The following PRRC1 variants were observed in gnomAD, a reference collection of about 807,000 sequenced individuals.
PRRC1 encodes the protein protein PRRC1.
In PRRC1, 39 loss-of-function variants were observed where a neutral mutation model predicts 40.7. The observed-to-expected ratio is 0.96, with a 90% CI of 0.74 to 1.25. PRRC1 has a LOEUF of 1.25. Ranked by LOEUF, PRRC1 falls within the 50% of genes most tolerant of loss-of-function variation. PRRC1 has a pLI of 0.00. For synonymous variants in PRRC1, 175 were observed against 193.3 expected, an observed-to-expected ratio of 0.91 and a Z score of 0.79; for missense variants, 573 against 548.3, an observed-to-expected ratio of 1.05 and a Z score of -0.45.
intron 7 of PRRC1, among the ~76,000 whole-genome samples, chr5:127,545,939 A>T (rs1181024527): frequency 2.0e-5 from 3 of 152,026 alleles, no homozygotes; most frequent in Non-Finnish European, 4.4e-5. Context: ...TTGCTCTCAT[A>T]ATTATTTTTT....
intron 8 of PRRC1, chr5:127,549,489 G>T (rs1027554085): frequency 1.3e-5 from 2 of 152,142 alleles, no homozygotes; most frequent in Non-Finnish European, 2.9e-5. Flanking sequence ...GGAGAAAAAA[G>T]ATTTTGATAA....
In PRRC1 at chr5:127,551,716, C is replaced by CG; in HGVS notation, c.1138_1139insG (p.Leu380ArgfsTer7). 1 of 1,614,038 alleles carries CG rather than the reference C, an allele frequency of 6.2e-7. No homozygotes were observed. Among genetic ancestry groups the CG allele is most frequent in the South Asian group, 1.1e-5 (1 of 91,078 alleles). On this transcript the variant is annotated frameshift_variant, in exon 9 of 9. Transcript: ENST00000296666. LOFTEE classifies it high-confidence loss of function. ...TTTCATCTTTCCACAGGCTCAAAGT[C>CG]TAACTCCCCAGGACTATAATCTGAG... is the stretch of plus-strand genomic sequence containing the variant.
chr5:127,528,738 G>A (rs778586403), intron 4 of PRRC1, among the ~76,000 whole-genome samples: 10 of 151,956 alleles, frequency 6.6e-5, no homozygotes, highest in African/African-American at 9.7e-5. Context: ...TAGACACTTA[G>A]CGTTTAATAT....
At chr5:127,543,816 G>A (rs1403922341) in intron 7 of PRRC1, among the ~76,000 whole-genome samples, 3 of 152,110 alleles carry the variant, frequency 2.0e-5, no homozygotes, top group Non-Finnish European at 4.4e-5. Flanking sequence ...CCTTTGGTTT[G>A]AATTTCCTTC....
At chr5:127,524,322 A>T (rs1767543050) in intron 2 of PRRC1, among the ~76,000 whole-genome samples, 1 of 152,232 alleles carries the variant, frequency 6.6e-6, no homozygotes, top group South Asian at 2.1e-4. Flanking sequence ...CCATAGGTTC[A>T]TACAGCTGCT....
At position 127,548,245 on chromosome 5, in the gene PRRC1, G is replaced by T. The variant is rs1331085931; in HGVS notation, c.1128+324G>T. The T allele has an allele frequency of 6.2e-6, 3 of 482,186 alleles. No individual in the cohort carries two copies. The Admixed American group carries it at 1.2e-4, about 19-fold the overall frequency. The allele number at this position is 482,186 out of a possible 1,614,324, so 29.9% of individuals were successfully genotyped here. On this transcript the variant is annotated intron_variant, in intron 8 of 8. Transcript: ENST00000296666. Reference sequence around the variant, plus strand: ...GTTGTTTTATGTCCGCCTTTCGTTTGCTTTCCCTTTTATCTCACATTTCAT... The same window carrying T: ...GTTGTTTTATGTCCGCCTTTCGTTTTCTTTCCCTTTTATCTCACATTTCAT...
rs1315502752 is a variant in PRRC1 at position 127,553,040 on chromosome 5, T to G, written c.*1124T>G. 30 of 735,626 alleles carry G rather than the reference T, an allele frequency of 4.1e-5. No individual in the cohort carries two copies. Among genetic ancestry groups the G allele is most frequent in the Non-Finnish European group, 4.3e-5 (26 of 603,264 alleles). 45.6% of individuals were successfully genotyped at this position (735,626 alleles called of 1,614,324 possible). ...CTTATATAAATGATAATTAAATAAA[T>G]TTTTTTCTTAATACTGTTGGACTTT... On this transcript the variant is annotated 3_prime_UTR_variant, in exon 9 of 9. Coordinates refer to ENST00000296666, the MANE Select transcript of PRRC1 (RefSeq NM_130809.5).
chr5:127,527,789 A>G lies in PRRC1; in HGVS notation c.654+1011A>G, dbSNP rs563343352. On this transcript the variant is annotated intron_variant, in intron 4 of 8. Coordinates refer to ENST00000296666, the MANE Select transcript of PRRC1 (RefSeq NM_130809.5). Reference sequence around the variant, plus strand: ...AAAAAAAAAAAAAAACCAAAAAACTATGATGAGCACTGTTGTATGTAAATC... The same window carrying G: ...AAAAAAAAAAAAAAACCAAAAAACTGTGATGAGCACTGTTGTATGTAAATC... Among the ~76,000 whole-genome samples the G allele has an allele frequency of 4.6e-5, 7 of 150,560 alleles. No homozygotes were observed. The East Asian group carries it at 5.8e-4, about 13-fold the overall frequency.
chr5:127,524,456 A>G (rs1767546861), intron 2 of PRRC1, 75 bp from the exon 3 acceptor site: 1 of 1,463,054 alleles, frequency 6.8e-7, no homozygotes. Flanking sequence ...GCAAGAAGAA[A>G]GTAATTAGAC....
At chr5:127,544,583 G>T (rs187515714) in intron 7 of PRRC1, among the ~76,000 whole-genome samples, 2,279 of 152,376 alleles carry the variant, frequency 0.015, 15 homozygotes, top group Non-Finnish European at 0.022. Flanking sequence ...TCTGGGCAAT[G>T]GCGGGCGCCC....
At chr5:127,543,634 C>T (rs1287275741) in intron 7 of PRRC1, among the ~76,000 whole-genome samples, 5 of 152,304 alleles carry the variant, frequency 3.3e-5, no homozygotes, top group Non-Finnish European at 5.9e-5. Flanking sequence ...CATCTTCCAT[C>T]ACTGATACCC....
intron 3 of PRRC1, among the ~76,000 whole-genome samples, chr5:127,526,169 T>G (rs1372813345): frequency 6.6e-6 from 1 of 152,250 alleles, no homozygotes; most frequent in African/African-American, 2.4e-5. Context: ...CCTTTACAAA[T>G]GAAAATTATT....
At chr5:127,529,793 T>C (rs1767716995) in intron 4 of PRRC1, among the ~76,000 whole-genome samples, 1 of 152,226 alleles carries the variant, frequency 6.6e-6, no homozygotes, top group East Asian at 1.9e-4. Flanking sequence ...AAGAAACTAG[T>C]AGAAGATAGC....
intron 8 of PRRC1, chr5:127,549,930 T>C (rs1422556520): frequency 1.3e-5 from 2 of 152,064 alleles, no homozygotes; most frequent in Non-Finnish European, 2.9e-5. Context: ...TTATGTTGTT[T>C]TTAGGAATAT....
Position 127,552,832 on chromosome 5 carries a change from A to G in PRRC1, c.*916A>G, listed in dbSNP as rs915339229. ...GTGGGTTAGTATGTCTCTTACTTCA[A>G]TTAAGGTTACTTATTTGGTTTGCCT... On this transcript the variant is annotated 3_prime_UTR_variant, in exon 9 of 9. Transcript: ENST00000296666. 7.1e-6 allele frequency: 7 copies of G among 985,258 alleles called. No individual in the cohort carries two copies. Among genetic ancestry groups the G allele is most frequent in the African/African-American group, 1.7e-5 (1 of 57,224 alleles). 61.0% of individuals were successfully genotyped at this position (985,258 alleles called of 1,614,324 possible). A position where few individuals can be genotyped will look rare whatever the true frequency, so the allele number is the denominator to read the frequency against.
At chr5:127,537,128 T>C (rs1422503470) in intron 6 of PRRC1, among the ~76,000 whole-genome samples, 1 of 151,894 alleles carries the variant, frequency 6.6e-6, no homozygotes, top group Admixed American at 6.6e-5. Flanking sequence ...GTTGTAGTTA[T>C]GACTACTGTT....
At position 127,553,510 on chromosome 5, in the gene PRRC1, C is replaced by A; in HGVS notation, c.*1594C>A. 1 of 1,148,358 alleles carries A rather than the reference C, an allele frequency of 8.7e-7. No individual in the cohort carries two copies. The highest frequency in any genetic ancestry group is 1.1e-6 in the Non-Finnish European group (1 of 929,296). 71.1% of individuals were successfully genotyped at this position (1,148,358 alleles called of 1,614,324 possible). ...TTTCTTTCCTTCAAGTACAAGAAGG[C>A]TTTCTCTACCATTTGCGTCTACACT... On this transcript the variant is annotated 3_prime_UTR_variant, in exon 9 of 9. Coordinates refer to ENST00000296666, the MANE Select transcript of PRRC1 (RefSeq NM_130809.5).
chr5:127,538,899 T>C, intron 6 of PRRC1, 141 bp from the exon 7 acceptor site: 1 of 515,950 alleles, frequency 1.9e-6, no homozygotes, highest in Non-Finnish European at 3.3e-6. Flanking sequence ...TTACTCTACA[T>C]TTTTGTATTG....
In PRRC1 at chr5:127,553,943, G is replaced by C. The variant is rs1561691700; in HGVS notation, c.*2027G>C. The C allele has an allele frequency of 6.5e-7, 1 of 1,531,656 alleles. No homozygotes were observed. The highest frequency in any genetic ancestry group is 8.7e-7 in the Non-Finnish European group (1 of 1,144,060). 94.9% of individuals were successfully genotyped at this position (1,531,656 alleles called of 1,614,324 possible). A position where few individuals can be genotyped will look rare whatever the true frequency, so the allele number is the denominator to read the frequency against. On this transcript the variant is annotated 3_prime_UTR_variant, in exon 9 of 9. Coordinates refer to ENST00000296666, the MANE Select transcript of PRRC1 (RefSeq NM_130809.5). The stretch of plus-strand genomic sequence containing the variant: ...GAAGATGAGAGATGGTCAGATGGAA[G>C]AGAGAAATACATGAACTGCTCTGGC...
Sources: gnomAD v4.1 joint callset for allele counts (sites outside exome capture counted in the v4.1 genomes callset) on GRCh38, gnomAD v4.1.1 for gene constraint, MANE v1.5 for transcripts, NCBI Gene and HGNC (gene_info 2026-07-23, HGNC 2026-07-21) for gene names.